The following PGLYRP3 variants were observed in gnomAD, a reference collection of about 807,000 sequenced individuals.
PGLYRP3 encodes the protein peptidoglycan recognition protein 3.
A neutral mutation model predicts 36.0 loss-of-function variants in PGLYRP3; 39 were observed. The ratio of observed to expected loss-of-function variants is 1.08; its 90% confidence interval spans 0.84 to 1.41. The LOEUF is 1.41. Ranked by LOEUF, PGLYRP3 falls within the 40% of genes most tolerant of loss-of-function variation. The pLI is 0.00. For missense variants in PGLYRP3, 407 were observed against 427.9 expected, an observed-to-expected ratio of 0.95 and a Z score of 0.43; for synonymous variants, 204 against 172.8, an observed-to-expected ratio of 1.18 and a Z score of -1.42.
chr1:153,302,296 TGGAAA>T, intron 6 of PGLYRP3, 108 bp downstream of exon 6: 4 of 1,209,428 alleles, frequency 3.3e-6, no homozygotes, highest in Non-Finnish European at 4.7e-6. Context: ...TGATGCCTTA[TGGAAA>T]CCACCCAGCC....
In PGLYRP3 at chr1:153,307,215, G is replaced by A. The variant is rs368527311; in HGVS notation, c.108C>T (p.Cys36=). ...RKEWGARPLA[C]RALLTLPVAY... Reference sequence around the variant, plus strand: ...CCACAGGCAGGGTCAGCAGGGCCCTGCAGGCGAGCGGTCTTGCCCCCCACT... The same window carrying A: ...CCACAGGCAGGGTCAGCAGGGCCCTACAGGCGAGCGGTCTTGCCCCCCACT... Residue 36 remains cysteine, a synonymous_variant, in exon 3 of 8, where the codon TGC becomes TGT. Transcript: ENST00000683862. 6.2e-7 allele frequency: 1 copy of A among 1,611,214 alleles called. No individual in the cohort carries two copies. Among genetic ancestry groups the A allele is most frequent in the African/African-American group, 1.3e-5 (1 of 74,880 alleles).
At chr1:153,299,754 A>G (rs1557807077) in intron 6 of PGLYRP3, among the ~76,000 whole-genome samples, 2 of 152,196 alleles carry the variant, frequency 1.3e-5, no homozygotes, top group Non-Finnish European at 2.9e-5. Flanking sequence ...AAACAGTCCA[A>G]GCAAACCCAC....
At position 153,307,263 on chromosome 1, in the gene PGLYRP3, A is replaced by G. The variant is rs759194090; in HGVS notation, c.60T>C (p.Thr20=). ...ACTCCTTGCGGGAGACGATGGTGGG[A>G]GTATCTGTAGGGAAGACCACAGAAT... is the stretch of plus-strand genomic sequence containing the variant. ...FFILGLQAWD[T]PTIVSRKEWG... Residue 20 remains threonine, a synonymous_variant, in exon 3 of 8, where the codon ACT becomes ACC. Transcript: ENST00000683862. 2 of 1,596,512 alleles carry G rather than the reference A, an allele frequency of 1.3e-6. No individual in the cohort carries two copies. The highest frequency in any genetic ancestry group is 1.7e-6 in the Non-Finnish European group (2 of 1,171,880).
chr1:153,312,602 T>TACACACAC (rs3840431), intron 1 of PGLYRP3, among the ~76,000 whole-genome samples, 41 bp downstream of exon 1: 4,822 of 150,056 alleles, frequency 0.032, 92 homozygotes, highest in Non-Finnish European at 0.043. Flanking sequence ...TCTAAAGAAA[T>TACACACAC]ACACACACAC....
At chr1:153,312,201 A>G (rs1222062349) in intron 1 of PGLYRP3, among the ~76,000 whole-genome samples, 1 of 152,230 alleles carries the variant, frequency 6.6e-6, no homozygotes, top group East Asian at 1.9e-4. Context: ...CTTGCCAGAG[A>G]CAGAACTGAT....
intron 3 of PGLYRP3, among the ~76,000 whole-genome samples, chr1:153,306,558 C>T (rs866908827): frequency 3.9e-5 from 6 of 152,184 alleles, no homozygotes; most frequent in South Asian, 2.1e-4. Flanking sequence ...TTCCCAGGTG[C>T]GAGTCCCTGT....
At chr1:153,310,007 G>A (rs1659856272) in intron 2 of PGLYRP3, among the ~76,000 whole-genome samples, 1 of 152,142 alleles carries the variant, frequency 6.6e-6, no homozygotes, top group Admixed American at 6.5e-5. Context: ...CTTCCGAAGG[G>A]GGTCTGTGTA....
chr1:153,299,990 T>C (rs1454005782), intron 6 of PGLYRP3, among the ~76,000 whole-genome samples: 5 of 152,208 alleles, frequency 3.3e-5, no homozygotes, highest in Admixed American at 2.0e-4. Flanking sequence ...CAACCCATTC[T>C]TAAAGTAGCA....
In PGLYRP3 at chr1:153,303,984, T is replaced by C. The variant is rs750482611; in HGVS notation, c.402A>G (p.Leu134=). The C allele has an allele frequency of 6.2e-7, 1 of 1,613,786 alleles. No individual in the cohort carries two copies. Among genetic ancestry groups the C allele is most frequent in the East Asian group, 2.2e-5 (1 of 44,874 alleles). The part of the protein sequence containing the change: ...KIGSSPSPAA[L]SAAEGLISYA... ...AGGAGATCAGACCCTCTGCAGCTGA[T>C]AAGGCAGCAGGGCTGGGACTGCTGC... Residue 134 remains leucine (L), a synonymous_variant, in exon 5 of 8, where the codon TTA becomes TTG. Coordinates refer to ENST00000683862, the MANE Select transcript of PGLYRP3 (RefSeq NM_052891.3).
chr1:153,298,273 A>C (rs1479097293), intron 7 of PGLYRP3, 139 bp from the exon 8 acceptor site: 1 of 936,796 alleles, frequency 1.1e-6, no homozygotes, highest in Non-Finnish European at 1.6e-6. Flanking sequence ...ACATTTACGT[A>C]AATTGTGGCA....
At chr1:153,299,437 T>C (rs1258564135) in intron 6 of PGLYRP3, among the ~76,000 whole-genome samples, 3 of 152,184 alleles carry the variant, frequency 2.0e-5, no homozygotes, top group Non-Finnish European at 4.4e-5. Context: ...TTTGTTCCCA[T>C]CACACCACTA....
chr1:153,304,280 G>A (rs189960339), intron 4 of PGLYRP3, among the ~76,000 whole-genome samples: 106 of 152,356 alleles, frequency 7.0e-4, no homozygotes, highest in Non-Finnish European at 3.8e-4. Context: ...AAGGATACAT[G>A]CAAAGGGAGG....
chr1:153,305,490 C>T (rs911183439), intron 3 of PGLYRP3, among the ~76,000 whole-genome samples: 8 of 152,198 alleles, frequency 5.3e-5, no homozygotes, highest in Admixed American at 5.2e-4. Context: ...TCTTCAGATT[C>T]TCTTTAGGAA....
At chr1:153,312,297 G>T (rs1659912883) in intron 1 of PGLYRP3, among the ~76,000 whole-genome samples, 1 of 152,172 alleles carries the variant, frequency 6.6e-6, no homozygotes, top group African/African-American at 2.4e-5. Flanking sequence ...GGCTCACATT[G>T]CTGTGCATCC....
chr1:153,299,601 C>G (rs548478126), intron 6 of PGLYRP3, among the ~76,000 whole-genome samples: 9 of 152,274 alleles, frequency 5.9e-5, no homozygotes, highest in Non-Finnish European at 7.4e-5. Context: ...TTCTCCTCCT[C>G]CTGCTGCTCC....
In PGLYRP3 at chr1:153,297,929, G is replaced by A; in HGVS notation, c.*27C>T. ...GGAGAGACCCAGCAGGGGAGGGAGG[G>A]CAGTCTCAAAGGGAGTGGGGCCTCC... is the stretch of plus-strand genomic sequence containing the variant. On this transcript the variant is annotated 3_prime_UTR_variant, in exon 8 of 8. Coordinates refer to ENST00000683862, the MANE Select transcript of PGLYRP3 (RefSeq NM_052891.3). The A allele has an allele frequency of 6.2e-7, 1 of 1,607,438 alleles. No homozygotes were observed. The highest frequency in any genetic ancestry group is 1.7e-4 in the Middle Eastern group (1 of 5,862).
chr1:153,299,207 G>A lies in PGLYRP3; in HGVS notation c.753C>T (p.Gly251=), dbSNP rs186672749. The change falls in exon 7 of 8, where the codon GGC becomes GGT. Residue 251 remains glycine (G), a synonymous_variant. Transcript: ENST00000683862. ...GYHFLVGQDG[G]VYEGVGWHIQ... ...TGTGCCATCCAACCCCTTCATACAC[G>A]CCACCATCCTGGCCCACCAGGAAGC... 73 of 1,613,814 alleles carry A rather than the reference G, an allele frequency of 4.5e-5. No individual in the cohort carries two copies. Among genetic ancestry groups the A allele is most frequent in the Non-Finnish European group, 5.7e-5 (67 of 1,179,890 alleles).
Position 153,297,160 on chromosome 1 carries a change from A to G in PGLYRP3, c.*796T>C, listed in dbSNP as rs1481677499. Among the ~76,000 whole-genome samples, 1 of 152,212 alleles carries G rather than the reference A, an allele frequency of 6.6e-6. No homozygotes were observed. Among genetic ancestry groups the G allele is most frequent in the Non-Finnish European group, 1.5e-5 (1 of 68,040 alleles). On this transcript the variant is annotated 3_prime_UTR_variant, in exon 8 of 8. Coordinates refer to ENST00000683862, the MANE Select transcript of PGLYRP3 (RefSeq NM_052891.3). ...ATCCATTTCTTTAACAAACATCTGT[A>G]GAACCTATTAAACTCCAAACACTGC... is the stretch of plus-strand genomic sequence containing the variant.
intron 2 of PGLYRP3, among the ~76,000 whole-genome samples, chr1:153,309,427 A>G (rs760666925): frequency 1.8e-4 from 27 of 152,360 alleles, no homozygotes; most frequent in Non-Finnish European, 3.5e-4. Context: ...GCCCCTGTTC[A>G]TAACAACTGT....
Sources: gnomAD v4.1 joint callset for allele counts (sites outside exome capture counted in the v4.1 genomes callset) on GRCh38, gnomAD v4.1.1 for gene constraint, MANE v1.5 for transcripts, NCBI Gene and HGNC (gene_info 2026-07-23, HGNC 2026-07-21) for gene names.